The following SH3BP4 variants were observed in gnomAD, a reference collection of about 807,000 sequenced individuals.
SH3BP4 encodes SH3 domain-binding protein 4.
Under a neutral mutation model 65.5 loss-of-function variants are expected in SH3BP4, and 33 were observed. The ratio of observed to expected loss-of-function variants is 0.50; its 90% CI spans 0.38 to 0.67. The LOEUF (loss-of-function observed/expected upper bound fraction) is 0.67, where lower values mean the gene tolerates loss of function less well. Ranked by LOEUF, SH3BP4 falls within the 30% of genes least tolerant of loss-of-function variation. The probability of loss-of-function intolerance (pLI) is 0.00; values close to 1 mark genes in which losing one functional copy is unlikely to be tolerated. For synonymous variants in SH3BP4, 552 were observed against 545.5 expected (o/e 1.01, Z -0.17); for missense variants, 1,134 against 1,261.4 (o/e 0.90, Z 1.53).
intron 2 of SH3BP4, among the ~76,000 whole-genome samples, chr2:235,003,844 G>C (rs1694208603): frequency 6.6e-6 from 1 of 152,334 alleles, no homozygotes; most frequent in Admixed American, 6.5e-5. Flanking sequence ...CCTCACCTCG[G>C]TGTGATTTTA....
intron 2 of SH3BP4, among the ~76,000 whole-genome samples, chr2:235,016,454 C>G (rs1694686514): frequency 6.6e-6 from 1 of 152,090 alleles, no homozygotes; most frequent in Non-Finnish European, 1.5e-5. Context: ...TAAGCTGGGC[C>G]TGGGGAGTTG....
rs1695629812 is a variant in SH3BP4 at position 235,041,261 on chromosome 2, G to T, written c.492G>T (p.Gly164=). ...ACAGTAATAACCCTTTCTGGAATGG[G>T]GTCCAGACCAATCCATTTCTGAATG... The part of the protein sequence containing the change: ...RMYSNNPFWN[G]VQTNPFLNGN... The change falls in exon 4 of 6, where the codon GGG becomes GGT. Residue 164 remains glycine, a synonymous_variant. Transcript: ENST00000392011. This position sits in a 1 kb window ranked among gnomAD's most constrained non-coding sequence, Gnocchi z 6.0. 1 of 1,614,108 alleles carries T rather than the reference G, an allele frequency of 6.2e-7. No homozygotes were observed. The highest frequency in any genetic ancestry group is 8.5e-7 in the Non-Finnish European group (1 of 1,180,028).
rs572790913 is a variant in SH3BP4, at chr2:235,055,514, A to G, written c.*1698A>G. The G allele has an allele frequency of 2.0e-5, 3 of 152,792 alleles. No homozygotes were observed. Among genetic ancestry groups the G allele is most frequent in the East Asian group, 3.9e-4 (2 of 5,184 alleles). 9.5% of individuals were successfully genotyped at this position (152,792 alleles called of 1,614,324 possible). On this transcript the variant is annotated 3_prime_UTR_variant, in exon 6 of 6. Transcript: ENST00000392011. The stretch of plus-strand genomic sequence containing the variant: ...CCATCTATCACCTTTTCCCCAAAGA[A>G]GAAACAAAACCAGTTGCACCTTAAA...
Position 235,045,094 on chromosome 2 carries a change from C to T in SH3BP4, c.2478+1847C>T, listed in dbSNP as rs1695806853. Among the ~76,000 whole-genome samples, 1 of 152,214 alleles carries T rather than the reference C, an allele frequency of 6.6e-6. No individual in the cohort carries two copies. The highest frequency in any genetic ancestry group is 6.5e-5 in the Admixed American group (1 of 15,292). ...GTGATTCAGAGCACACCTCCTGGCT[C>T]TCCAGAACCTGGTGCCGGGCCGTGG... On this transcript the variant is annotated intron_variant, in intron 4 of 5. Transcript: ENST00000392011. This position sits in a 1 kb window ranked among gnomAD's most constrained non-coding sequence, Gnocchi z 4.3.
chr2:234,952,369 C>T lies in SH3BP4; in HGVS notation c.-207+199C>T, dbSNP rs1366952947. Among the ~76,000 whole-genome samples, 2 of 150,990 alleles carry T rather than the reference C, an allele frequency of 1.3e-5. No individual in the cohort carries two copies. Among genetic ancestry groups the T allele is most frequent in the East Asian group, 3.9e-4 (2 of 5,110 alleles). On this transcript the variant is annotated intron_variant, in intron 1 of 5. Transcript: ENST00000392011. The surrounding 1 kb of genome is among the most constrained non-coding windows in gnomAD (Gnocchi z 6.5). ...GGCTTCGGGGAAGCCTCGCGCGCCCCTCGCCGCTCCCCCGGGCGCTCGGGT... is the reference window on the plus strand; with the variant it reads ...GGCTTCGGGGAAGCCTCGCGCGCCCTTCGCCGCTCCCCCGGGCGCTCGGGT...
intron 1 of SH3BP4, among the ~76,000 whole-genome samples, chr2:234,986,759 C>A (rs1476280605): frequency 6.6e-6 from 1 of 151,872 alleles, no homozygotes; most frequent in Admixed American, 6.6e-5. Flanking sequence ...GACCGAGAGG[C>A]CAGATGGGAA....
rs775812315 is a variant in SH3BP4 at position 235,042,058 on chromosome 2, T to G, written c.1289T>G (p.Leu430Arg). The G allele has an allele frequency of 1.2e-6, 2 of 1,614,002 alleles. No homozygotes were observed. The highest frequency in any genetic ancestry group is 2.2e-5 in the South Asian group (2 of 91,078). ...SKEGPYVSVP[L>R]NCSCGDTVQA... Reference sequence around the variant, plus strand: ...GAAGGGCCATATGTCTCCGTCCCGCTCAACTGCAGCTGTGGGGACACGGTC... The same window carrying G: ...GAAGGGCCATATGTCTCCGTCCCGCGCAACTGCAGCTGTGGGGACACGGTC... The change falls in exon 4 of 6, where the codon CTC becomes CGC. Residue 430 changes from leucine (L) to arginine (R), a missense_variant. Coordinates refer to ENST00000392011, the MANE Select transcript of SH3BP4 (RefSeq NM_014521.3). This position sits in a 1 kb window ranked among gnomAD's most constrained non-coding sequence, Gnocchi z 7.3.
intron 1 of SH3BP4, among the ~76,000 whole-genome samples, chr2:234,969,143 G>GCTTT (rs1692913189): frequency 6.6e-6 from 1 of 152,216 alleles, no homozygotes; most frequent in Admixed American, 6.5e-5. Context: ...CCACAGGGGA[G>GCTTT]CTTTCATTTG....
Position 234,978,804 on chromosome 2 carries a change from A to G in SH3BP4, c.-206-16499A>G, listed in dbSNP as rs1413871682. 1 of 152,244 alleles carries G rather than the reference A, an allele frequency of 6.6e-6. No individual in the cohort carries two copies. Among genetic ancestry groups the G allele is most frequent in the Non-Finnish European group, 1.5e-5 (1 of 68,082 alleles). The allele number at this position is 152,244 out of a possible 1,614,324, so 9.4% of individuals were successfully genotyped here. A position where few individuals can be genotyped will look rare whatever the true frequency, so the allele number is the denominator to read the frequency against. ...GAGTCGTGCAGCGTCCGTGGCCTGC[A>G]TTTGAAACTGAAGGGCAAGAGGCTG... is the stretch of plus-strand genomic sequence containing the variant. On this transcript the variant is annotated intron_variant, in intron 1 of 5. Transcript: ENST00000392011. The surrounding 1 kb of genome is among the most constrained non-coding windows in gnomAD (Gnocchi z 4.1).
At chr2:234,955,533 A>G (rs549688843) in intron 1 of SH3BP4, among the ~76,000 whole-genome samples, 3 of 152,266 alleles carry the variant, frequency 2.0e-5, no homozygotes, top group East Asian at 3.9e-4. Flanking sequence ...CTAAAGGGAA[A>G]AAGTCTCAAT....
chr2:234,988,345 C>T (rs192628157), intron 1 of SH3BP4, among the ~76,000 whole-genome samples: 33 of 152,182 alleles, frequency 2.2e-4, no homozygotes, highest in Non-Finnish European at 1.2e-4. Flanking sequence ...AGGCGTGAGC[C>T]ACCACACCCG....
intron 1 of SH3BP4, chr2:234,953,013 A>C (rs1232456725): frequency 6.6e-6 from 1 of 152,252 alleles, no homozygotes; most frequent in Non-Finnish European, 1.5e-5. Flanking sequence ...GCCGCGCGGG[A>C]GGAGCCGCGG....
intron 2 of SH3BP4, among the ~76,000 whole-genome samples, chr2:235,006,167 G>A (rs1211853307): frequency 2.0e-5 from 3 of 152,174 alleles, no homozygotes; most frequent in Admixed American, 6.5e-5. Context: ...ACGACCTAGC[G>A]AGCAGGACGG....
chr2:234,970,047 T>A (rs56197626), intron 1 of SH3BP4, among the ~76,000 whole-genome samples: 30,983 of 143,194 alleles, frequency 0.22, 5,533 homozygotes, highest in East Asian at 0.71. Context: ...ATACACTTAC[T>A]CACACACACT....
rs1260483121 is a variant in SH3BP4 at position 235,030,786 on chromosome 2, G to A, written c.-132-4085G>A. Among the ~76,000 whole-genome samples, 1 of 152,186 alleles carries A rather than the reference G, an allele frequency of 6.6e-6. No homozygotes were observed. The highest frequency in any genetic ancestry group is 1.5e-5 in the Non-Finnish European group (1 of 68,018). ...CCCTGTAGATGCAGTGGTGTCTGGA[G>A]GAGCAGAGCTTCCCTTTCAGCCCTC... is the stretch of plus-strand genomic sequence containing the variant. On this transcript the variant is annotated intron_variant, in intron 2 of 5. Coordinates refer to ENST00000392011, the MANE Select transcript of SH3BP4 (RefSeq NM_014521.3). The surrounding 1 kb of genome is among the most constrained non-coding windows in gnomAD (Gnocchi z 4.1).
intron 1 of SH3BP4, among the ~76,000 whole-genome samples, chr2:234,959,629 G>A (rs2106239571): frequency 6.7e-6 from 1 of 148,986 alleles, no homozygotes; most frequent in South Asian, 2.1e-4. Flanking sequence ...ATTTTCCACT[G>A]TTGCCCTTTG....
Position 235,034,392 on chromosome 2 carries a change from G to A in SH3BP4, c.-132-479G>A, listed in dbSNP as rs573649525. 1.3e-5 allele frequency among the ~76,000 whole-genome samples: 2 copies of A among 152,238 alleles called. No individual in the cohort carries two copies. Among genetic ancestry groups the A allele is most frequent in the South Asian group, 2.1e-4 (1 of 4,824 alleles). On this transcript the variant is annotated intron_variant, in intron 2 of 5. Transcript: ENST00000392011. This position sits in a 1 kb window ranked among gnomAD's most constrained non-coding sequence, Gnocchi z 6.2. ...AGCATCACCCTTGGGGCCTCTGCTG[G>A]GCTGTGTTCATTGATGGCTGCTTCC...
chr2:234,973,318 A>G lies in SH3BP4; in HGVS notation c.-207+21148A>G, dbSNP rs557592975. 4.5e-4 allele frequency among the ~76,000 whole-genome samples: 68 copies of G among 151,862 alleles called. 1 individual carries two copies. The highest frequency in any genetic ancestry group is 1.5e-3 in the African/African-American group (63 of 41,382). On this transcript the variant is annotated intron_variant, in intron 1 of 5. Coordinates refer to ENST00000392011, the MANE Select transcript of SH3BP4 (RefSeq NM_014521.3). ...AAATTATTTTCAGTGCTGTTTCGTG[A>G]CCCCTCGCTGATGGAACACAGTGGT...
At chr2:234,995,740 AAGCCAGGCT>A (rs1318193399) in intron 2 of SH3BP4, 2 of 152,540 alleles carry the variant, frequency 1.3e-5, no homozygotes, top group East Asian at 3.9e-4. Context: ...CTCTTCCAAG[AAGCCAGGCT>A]AGCAGCTCCC....
Sources: allele counts gnomAD v4.1 joint callset (sites outside exome capture counted in the v4.1 genomes callset), GRCh38; gene constraint gnomAD v4.1.1; non-coding constraint Gnocchi (gnomAD v3.1); transcripts MANE v1.5; gene names NCBI Gene and HGNC (gene_info 2026-07-23, HGNC 2026-07-21).